Variants in LINGO2 observed in about 807,000 individuals in gnomAD.
LINGO2 encodes the protein leucine rich repeat and Ig domain containing 2.
A neutral mutation model predicts 30.6 loss-of-function variants in LINGO2; 14 were observed. The observed-to-expected ratio is 0.46, with a 90% CI of 0.30 to 0.72. LINGO2 has a LOEUF of 0.72. Among genes scored for constraint, LINGO2 ranks in the 30% least tolerant of loss-of-function variants. LINGO2 has a pLI of 0.07. For missense variants in LINGO2, 729 were observed against 751.7 expected, an observed-to-expected ratio of 0.97 and a Z score of 0.35; for synonymous variants, 317 against 288.5, an observed-to-expected ratio of 1.10 and a Z score of -1.00.
At chr9:28,229,706 G>C (rs1821292374) in intron 4 of LINGO2, among the ~76,000 whole-genome samples, 1 of 151,674 alleles carries the variant, frequency 6.6e-6, no homozygotes, top group Non-Finnish European at 1.5e-5. Flanking sequence ...ATAGTTAGCA[G>C]GAAAATTTAA....
At position 28,276,402 on chromosome 9, in the gene LINGO2, C is replaced by A. The variant is rs138009999; in HGVS notation, c.-87+18806G>T. Among the ~76,000 whole-genome samples the A allele has an allele frequency of 4.4e-3, 676 of 152,230 alleles. 5 individuals are homozygous for A. Among genetic ancestry groups the A allele is most frequent in the Non-Finnish European group, 7.3e-3 (497 of 68,002 alleles). On this transcript the variant is annotated intron_variant, in intron 4 of 5. Coordinates refer to ENST00000379992, the Ensembl canonical transcript of LINGO2. ...TATTAATCTAAATCTAGTTAAGAAA[C>A]TTTCCTTCATTACTCCATGTCTCAG... is the stretch of plus-strand genomic sequence containing the variant.
At chr9:28,992,834 A>G in the LINGO2 span, among the ~76,000 whole-genome samples, 1 of 152,122 alleles carries the variant, frequency 6.6e-6, no homozygotes, top group African/African-American at 2.4e-5. Context: ...AAGACACAAC[A>G]TACCAGAATC....
At chr9:28,739,114 T>C in the LINGO2 span, among the ~76,000 whole-genome samples, 2 of 151,996 alleles carry the variant, frequency 1.3e-5, no homozygotes, top group Admixed American at 1.3e-4. Context: ...GCTTCTGAAA[T>C]TTATTATTTT....
chr9:28,019,764 A>G (rs942632054), intron 4 of LINGO2, among the ~76,000 whole-genome samples: 3 of 152,076 alleles, frequency 2.0e-5, no homozygotes, highest in African/African-American at 4.8e-5. Context: ...ATATGTGTGT[A>G]TATATTATAT....
the LINGO2 span, among the ~76,000 whole-genome samples, chr9:29,050,861 G>A: frequency 1.3e-5 from 2 of 152,028 alleles, no homozygotes; most frequent in Non-Finnish European, 2.9e-5. Context: ...TGGAATCAGT[G>A]GTTCAAAGAA....
At chr9:28,878,726 A>G in the LINGO2 span, among the ~76,000 whole-genome samples, 164 of 152,334 alleles carry the variant, frequency 1.1e-3, 1 homozygote, top group African/African-American at 3.8e-3. Context: ...AAACAGAACC[A>G]AAGACAAAAA....
At chr9:28,831,108 C>T in the LINGO2 span, among the ~76,000 whole-genome samples, 1 of 152,142 alleles carries the variant, frequency 6.6e-6, no homozygotes, top group Non-Finnish European at 1.5e-5. Context: ...TCAGAAGCCT[C>T]CTGTCACCTC....
chr9:28,492,583 G>C (rs897376504), intron 1 of LINGO2, among the ~76,000 whole-genome samples: 2 of 152,056 alleles, frequency 1.3e-5, no homozygotes, highest in Non-Finnish European at 2.9e-5. Context: ...AAATCATTCT[G>C]GGTCTTTTCC....
At chr9:28,880,967 C>T in the LINGO2 span, among the ~76,000 whole-genome samples, 1 of 152,092 alleles carries the variant, frequency 6.6e-6, no homozygotes, top group Non-Finnish European at 1.5e-5. Context: ...ATGTTTGTTG[C>T]TGACCTTCTC....
intron 2 of LINGO2, among the ~76,000 whole-genome samples, chr9:28,382,738 T>C (rs1821403056): frequency 6.6e-6 from 1 of 152,118 alleles, no homozygotes; most frequent in Non-Finnish European, 1.5e-5. Flanking sequence ...ACATAACTCT[T>C]TAACTTGCTG....
At chr9:28,014,061 C>A (rs16912252) in intron 4 of LINGO2, among the ~76,000 whole-genome samples, 2,532 of 152,288 alleles carry the variant, frequency 0.017, 69 homozygotes, top group African/African-American at 0.058. Context: ...TCATTTCCAG[C>A]AAGTGCAGCC....
At chr9:28,412,096 C>T (rs1353417507) in intron 2 of LINGO2, among the ~76,000 whole-genome samples, 1 of 151,186 alleles carries the variant, frequency 6.6e-6, no homozygotes, top group African/African-American at 2.4e-5. Flanking sequence ...GCCCACTTCT[C>T]CCTCCCCTCT....
At chr9:27,956,657 G>A (rs1471341297) in intron 5 of LINGO2, among the ~76,000 whole-genome samples, 3 of 151,788 alleles carry the variant, frequency 2.0e-5, no homozygotes, top group African/African-American at 4.8e-5. Flanking sequence ...GTATTCTTCT[G>A]GAAATTTTTA....
In LINGO2 at chr9:28,105,839, ATTGACCAGAAAC is replaced by A. The variant is rs999501441; in HGVS notation, c.-86-93446_-86-93435del. On this transcript the variant is annotated intron_variant, in intron 4 of 5. Coordinates refer to ENST00000379992, the Ensembl canonical transcript of LINGO2. ...GAGGAGAGCCCTCACAAGAAACCAAATTGACCAGAAACTTGATCTCGGATTTCTGGCCTATGG... is the reference window on the plus strand; with the variant it reads ...GAGGAGAGCCCTCACAAGAAACCAAATTGATCTCGGATTTCTGGCCTATGG... Among the ~76,000 whole-genome samples, 25 of 152,144 alleles carry A rather than the reference ATTGACCAGAAAC, an allele frequency of 1.6e-4. 1 individual carries two copies. Among genetic ancestry groups the A allele is most frequent in the Admixed American group, 1.2e-3 (19 of 15,270 alleles).
intron 5 of LINGO2, among the ~76,000 whole-genome samples, chr9:27,992,541 T>G (rs1424205239): frequency 6.6e-6 from 1 of 152,070 alleles, no homozygotes; most frequent in East Asian, 1.9e-4. Flanking sequence ...CAGTAAATGT[T>G]ATAATGAAGG....
chr9:28,345,206 C>T (rs997115857), intron 3 of LINGO2, among the ~76,000 whole-genome samples: 2 of 152,060 alleles, frequency 1.3e-5, no homozygotes, highest in African/African-American at 2.4e-5. Flanking sequence ...GGACACACCT[C>T]CAGCCAGTAA....
intron 4 of LINGO2, among the ~76,000 whole-genome samples, chr9:28,057,436 G>C (rs919744282): frequency 4.0e-5 from 6 of 151,424 alleles, no homozygotes; most frequent in Non-Finnish European, 7.4e-5. Context: ...TGTTCTATGA[G>C]ATACAGTTTT....
chr9:29,129,351 T>C, the LINGO2 span, among the ~76,000 whole-genome samples: 1 of 152,136 alleles, frequency 6.6e-6, no homozygotes, highest in Non-Finnish European at 1.5e-5. Flanking sequence ...AATGAGTACA[T>C]GTAAATGGGA....
At chr9:28,910,384 T>A in the LINGO2 span, among the ~76,000 whole-genome samples, 2 of 152,016 alleles carry the variant, frequency 1.3e-5, no homozygotes, top group Non-Finnish European at 1.5e-5. Flanking sequence ...TGTGAATGCA[T>A]CTCTTTAGAT....
Sources: allele counts gnomAD v4.1 joint callset (sites outside exome capture counted in the v4.1 genomes callset), GRCh38; gene constraint gnomAD v4.1.1; transcripts MANE v1.5; gene names NCBI Gene and HGNC (gene_info 2026-07-23, HGNC 2026-07-21).